The following GABBR2 variants were observed in gnomAD, a reference collection of about 807,000 sequenced individuals.
GABBR2 encodes the protein G-protein coupled receptor 51.
Under a neutral mutation model 105.6 loss-of-function variants are expected in GABBR2, and 23 were observed. The ratio of observed to expected loss-of-function variants is 0.22; its 90% CI spans 0.16 to 0.31. The LOEUF is 0.31. Among genes scored for constraint, GABBR2 ranks in the 10% least tolerant of loss-of-function variants. The pLI, the probability that GABBR2 is intolerant of heterozygous loss-of-function variation, is 1.00. For missense variants in GABBR2, 734 were observed against 1,245.5 expected, an observed-to-expected ratio of 0.59 and a Z score of 6.18; for synonymous variants, 478 against 499.7, an observed-to-expected ratio of 0.96 and a Z score of 0.58.
chr9:98,533,780 A>C (rs1041404892), intron 3 of GABBR2, among the ~76,000 whole-genome samples: 4 of 152,292 alleles, frequency 2.6e-5, no homozygotes, highest in African/African-American at 9.6e-5. Context: ...AGCCAGATGG[A>C]GGGCAGGATG....
chr9:98,482,194 C>T (rs1588186242), intron 4 of GABBR2, among the ~76,000 whole-genome samples: 1 of 152,334 alleles, frequency 6.6e-6, no homozygotes, highest in Non-Finnish European at 1.5e-5. Flanking sequence ...GAAAAATATG[C>T]TTTTAAAGAT....
At chr9:98,592,775 G>A (rs1436784446) in intron 1 of GABBR2, among the ~76,000 whole-genome samples, 1 of 152,212 alleles carries the variant, frequency 6.6e-6, no homozygotes, top group East Asian at 1.9e-4. Flanking sequence ...GTGAGGATAT[G>A]TCTTAGAACA....
chr9:98,289,069 GCCTC>G lies in GABBR2; in HGVS notation c.*1511_*1514del, dbSNP rs1463095811. The G allele has an allele frequency of 1.3e-5, 2 of 152,658 alleles. No individual in the cohort carries two copies. Among genetic ancestry groups the G allele is most frequent in the Non-Finnish European group, 2.9e-5 (2 of 68,070 alleles). 9.5% of individuals were successfully genotyped at this position (152,658 alleles called of 1,614,324 possible). ...AGGAATGTCAGAAAAGTCACTGGGA[GCCTC>G]CCTCCAGCCCGGATGTTCTGGGTAG... On this transcript the variant is annotated 3_prime_UTR_variant, in exon 19 of 19. Transcript: ENST00000259455.
At chr9:98,383,075 G>T (rs1431133603) in intron 11 of GABBR2, among the ~76,000 whole-genome samples, 1 of 152,166 alleles carries the variant, frequency 6.6e-6, no homozygotes, top group Non-Finnish European at 1.5e-5. Flanking sequence ...CTGAGTAGCT[G>T]GGATTACAGG....
chr9:98,518,285 G>A (rs995871984), intron 3 of GABBR2, among the ~76,000 whole-genome samples: 57 of 152,176 alleles, frequency 3.7e-4, no homozygotes, highest in African/African-American at 1.4e-3. Flanking sequence ...CTCTGAAGAT[G>A]CCGTCTGTTT....
chr9:98,699,127 G>A (rs1830793771), intron 1 of GABBR2, among the ~76,000 whole-genome samples: 1 of 152,146 alleles, frequency 6.6e-6, no homozygotes, highest in South Asian at 2.1e-4. Flanking sequence ...CTGGAGGCGA[G>A]AGTGAGATAT....
chr9:98,318,891 T>TG (rs1830768211), intron 13 of GABBR2, among the ~76,000 whole-genome samples: 2 of 148,288 alleles, frequency 1.3e-5, no homozygotes, highest in Non-Finnish European at 3.0e-5. Context: ...AAATGTGAGT[T>TG]TGTGTGTGTG....
At chr9:98,427,428 C>T (rs1487249325) in intron 7 of GABBR2, among the ~76,000 whole-genome samples, 1 of 152,214 alleles carries the variant, frequency 6.6e-6, no homozygotes, top group African/African-American at 2.4e-5. Context: ...CAATGCACTT[C>T]AGAGTGCACA....
chr9:98,406,014 T>C (rs1400268482), intron 8 of GABBR2, 67 bp downstream of exon 8: 2 of 879,602 alleles, frequency 2.3e-6, no homozygotes, highest in East Asian at 4.9e-5. Context: ...ATGTATTATA[T>C]TGCATAAAAC....
intron 1 of GABBR2, among the ~76,000 whole-genome samples, chr9:98,602,085 C>T (rs1588246621): frequency 6.6e-6 from 1 of 152,098 alleles, no homozygotes; most frequent in Non-Finnish European, 1.5e-5. Flanking sequence ...ACTGCAGCCT[C>T]ACCCTCCCGG....
chr9:98,349,344 G>GT lies in GABBR2; in HGVS notation c.1893+13370dup, dbSNP rs1564026872. The stretch of plus-strand genomic sequence containing the variant: ...TTTGGTTTGCCAATATTTTGTTGAA[G>GT]TTTTGTTTTTTTTTTTTTTTTTTTT... On this transcript the variant is annotated intron_variant, in intron 13 of 18. Transcript: ENST00000259455. Among the ~76,000 whole-genome samples the GT allele has an allele frequency of 4.5e-3, 475 of 105,464 alleles. 61 individuals carry two copies. Among genetic ancestry groups the GT allele is most frequent in the East Asian group, 9.3e-3 (31 of 3,320 alleles). 69.2% of individuals were successfully genotyped at this position (105,464 alleles called of 152,430 possible).
At chr9:98,570,740 T>A (rs1828818730) in intron 2 of GABBR2, among the ~76,000 whole-genome samples, 1 of 152,062 alleles carries the variant, frequency 6.6e-6, no homozygotes, top group African/African-American at 2.4e-5. Context: ...AAAGGAAACT[T>A]ATCAGTTAGA....
At chr9:98,574,106 A>C (rs1828877910) in intron 2 of GABBR2, among the ~76,000 whole-genome samples, 1 of 152,212 alleles carries the variant, frequency 6.6e-6, no homozygotes, top group Non-Finnish European at 1.5e-5. Context: ...GTTCTGCAAA[A>C]CAGGGCAGGG....
intron 3 of GABBR2, among the ~76,000 whole-genome samples, chr9:98,505,457 T>TGTGTGTGC (rs57918974): frequency 2.4e-4 from 36 of 149,418 alleles, no homozygotes; most frequent in African/African-American, 8.3e-4. Flanking sequence ...TGTGTGTGTG[T>TGTGTGTGC]GCATGTGCGT....
At chr9:98,619,518 C>T (rs2131820316) in intron 1 of GABBR2, among the ~76,000 whole-genome samples, 1 of 152,286 alleles carries the variant, frequency 6.6e-6, no homozygotes, top group East Asian at 1.9e-4. Context: ...CAATAAACAT[C>T]AAGAGACTGA....
At chr9:98,465,319 G>T (rs1029377773) in intron 6 of GABBR2, among the ~76,000 whole-genome samples, 3 of 151,890 alleles carry the variant, frequency 2.0e-5, no homozygotes, top group African/African-American at 7.3e-5. Context: ...GGGTCAATTA[G>T]ATATCCATGT....
intron 6 of GABBR2, among the ~76,000 whole-genome samples, chr9:98,455,055 G>A (rs1826302049): frequency 6.6e-6 from 1 of 152,120 alleles, no homozygotes; most frequent in Non-Finnish European, 1.5e-5. Flanking sequence ...TGTGACCCAG[G>A]GCAAGGCCCA....
intron 4 of GABBR2, 45 bp from the exon 5 acceptor site, chr9:98,481,042 A>C (rs746045842): frequency 9.2e-6 from 11 of 1,193,970 alleles, no homozygotes; most frequent in Non-Finnish European, 1.1e-5. Flanking sequence ...GATGTTCAGC[A>C]CCCCATAAAG....
At chr9:98,464,986 G>A (rs1826514748) in intron 6 of GABBR2, among the ~76,000 whole-genome samples, 1 of 152,010 alleles carries the variant, frequency 6.6e-6, no homozygotes, top group South Asian at 2.1e-4. Flanking sequence ...AGGGCCGAAG[G>A]CCGCAGGGAC....
Sources: allele counts gnomAD v4.1 joint callset (sites outside exome capture counted in the v4.1 genomes callset), GRCh38; gene constraint gnomAD v4.1.1; transcripts MANE v1.5; gene names NCBI Gene and HGNC (gene_info 2026-07-23, HGNC 2026-07-21).